UTP4: variants seen among roughly 807,000 people sequenced by gnomAD.
UTP4 encodes the protein UTP4 small subunit processome component.
In UTP4, 45 loss-of-function variants were observed where a neutral mutation model predicts 82.4. That is an observed-to-expected ratio of 0.55 (90% CI 0.43 to 0.70). UTP4 has a LOEUF of 0.70. UTP4 is among the 30% of genes least tolerant of loss of function. The pLI is 0.00. For missense variants in UTP4, 819 were observed against 858.3 expected, an observed-to-expected ratio of 0.95 and a Z score of 0.57; for synonymous variants, 348 against 300.3, an observed-to-expected ratio of 1.16 and a Z score of -1.64.
rs1197264929 is a variant in UTP4, at chr16:69,160,650, G to A, written c.1551+188G>A. Among the ~76,000 whole-genome samples the A allele has an allele frequency of 4.8e-5, 7 of 145,850 alleles. No individual in the cohort carries two copies. The Admixed American group carries it at 4.9e-4, about 10-fold the overall frequency. On this transcript the variant is annotated intron_variant, in intron 13 of 16. Transcript: ENST00000314423. Reference sequence around the variant, plus strand: ...CTTACTCTGTCACCCAGGCTAGAGTGCAGTGGCGCGATCTCGGCTCACTGC... The same window carrying A: ...CTTACTCTGTCACCCAGGCTAGAGTACAGTGGCGCGATCTCGGCTCACTGC...
intron 4 of UTP4, chr16:69,138,982 T>TC (rs1962887107): frequency 6.7e-6 from 1 of 149,244 alleles, no homozygotes; most frequent in African/African-American, 2.5e-5. Context: ...TTTTTTTTTT[T>TC]TCCTGAGATG....
At chr16:69,151,264 C>T (rs1963256540) in intron 8 of UTP4, among the ~76,000 whole-genome samples, 1 of 152,028 alleles carries the variant, frequency 6.6e-6, no homozygotes, top group Non-Finnish European at 1.5e-5. Context: ...GCCTCAGCCT[C>T]CCAAAGTGCT....
chr16:69,150,695 G>A lies in UTP4; in HGVS notation c.897G>A (p.Ala299=), dbSNP rs554532839. The change falls in exon 7 of 17, where the codon GCG becomes GCA. Residue 299 remains alanine, a synonymous_variant. Transcript: ENST00000314423. ...DVRTVAHSPT[A]LISGGTDTHL... ...GCACTGTGGCCCACAGCCCAACAGC[G>A]CTGATATCTGGAGGTGGGTTCCCCC... The A allele has an allele frequency of 3.1e-5, 50 of 1,614,192 alleles. No individual in the cohort carries two copies. The highest frequency in any genetic ancestry group is 1.8e-4 in the Admixed American group (11 of 60,020).
intron 2 of UTP4, among the ~76,000 whole-genome samples, chr16:69,133,919 A>C (rs1482935898): frequency 6.6e-6 from 1 of 152,214 alleles, no homozygotes; most frequent in Non-Finnish European, 1.5e-5. Flanking sequence ...CAGTCTCAAC[A>C]CCATTGCAGC....
intron 4 of UTP4, 107 bp downstream of exon 4, chr16:69,137,992 C>T (rs779142750): frequency 1.7e-5 from 13 of 771,222 alleles, no homozygotes; most frequent in Non-Finnish European, 2.7e-5. Flanking sequence ...TATTTTATCT[C>T]TACTGGGTAC....
chr16:69,132,685 C>A lies in UTP4; in HGVS notation c.-7C>A, dbSNP rs758632816. On this transcript the variant is annotated 5_prime_UTR_variant, in exon 1 of 17. Coordinates refer to ENST00000314423, the MANE Select transcript of UTP4 (RefSeq NM_032830.3). Reference sequence around the variant, plus strand: ...AGCACCGGGAAGGGGAGCGTGGGGCCGCTGGTGAGTTGGGGAAGGGGCGTG... The same window carrying A: ...AGCACCGGGAAGGGGAGCGTGGGGCAGCTGGTGAGTTGGGGAAGGGGCGTG... 1.2e-4 allele frequency: 39 copies of A among 325,300 alleles called. No homozygotes were observed. Among genetic ancestry groups the A allele is most frequent in the African/African-American group, 7.0e-4 (30 of 43,092 alleles). 20.2% of individuals were successfully genotyped at this position (325,300 alleles called of 1,614,324 possible).
At chr16:69,148,568 G>A (rs533549781) in intron 6 of UTP4, among the ~76,000 whole-genome samples, 67 of 150,790 alleles carry the variant, frequency 4.4e-4, no homozygotes, top group South Asian at 1.7e-3. Context: ...TAGTATAGCT[G>A]TTTGAGTTCC....
chr16:69,154,520 C>G, intron 10 of UTP4, 63 bp downstream of exon 10: 4 of 1,227,840 alleles, frequency 3.3e-6, no homozygotes, highest in Non-Finnish European at 4.8e-6. Context: ...AATTCCCATT[C>G]TGAATTTTGA....
At chr16:69,150,930 T>G (rs1215626601) in intron 8 of UTP4, 26 bp downstream of exon 8, 2 of 1,540,206 alleles carry the variant, frequency 1.3e-6, no homozygotes, top group Non-Finnish European at 1.8e-6. Context: ...AAGCCCCTGC[T>G]AACCCCTCAT....
intron 2 of UTP4, among the ~76,000 whole-genome samples, chr16:69,134,745 C>T (rs1227624710): frequency 6.7e-6 from 1 of 148,302 alleles, no homozygotes; most frequent in South Asian, 2.1e-4. Context: ...CTCTGTCACC[C>T]AGGCTGGAGT....
chr16:69,136,430 G>A (rs546142020), intron 2 of UTP4, among the ~76,000 whole-genome samples: 1 of 152,336 alleles, frequency 6.6e-6, no homozygotes, highest in Non-Finnish European at 1.5e-5. Flanking sequence ...GTCTCACTCT[G>A]TCGTCCAGGC....
intron 4 of UTP4, among the ~76,000 whole-genome samples, chr16:69,138,587 G>A (rs1204629580): frequency 1.3e-5 from 2 of 152,184 alleles, no homozygotes; most frequent in Admixed American, 6.5e-5. Flanking sequence ...TTGAATGAGG[G>A]AGTTTATAAA....
At chr16:69,161,592 A>C (rs1963562930) in intron 13 of UTP4, among the ~76,000 whole-genome samples, 1 of 152,228 alleles carries the variant, frequency 6.6e-6, no homozygotes, top group Non-Finnish European at 1.5e-5. Flanking sequence ...CAGTTTGTAC[A>C]GATGGATTTA....
chr16:69,135,086 C>CTATATAAT (rs1411895235), intron 2 of UTP4, among the ~76,000 whole-genome samples: 31 of 150,364 alleles, frequency 2.1e-4, no homozygotes, highest in African/African-American at 6.6e-4. Context: ...ACAGTTATAA[C>CTATATAAT]TATATAATTT....
intron 6 of UTP4, among the ~76,000 whole-genome samples, chr16:69,147,211 TA>T (rs1159404414): frequency 6.9e-6 from 1 of 145,428 alleles, no homozygotes; most frequent in Non-Finnish European, 1.5e-5. Flanking sequence ...ATAATAATAA[TA>T]ATAATAATAA....
chr16:69,145,295 C>G (rs1963078184), intron 6 of UTP4, among the ~76,000 whole-genome samples: 1 of 149,864 alleles, frequency 6.7e-6, no homozygotes, highest in Non-Finnish European at 1.5e-5. Flanking sequence ...GTCTCTCACT[C>G]TGTCTCCCAG....
intron 6 of UTP4, among the ~76,000 whole-genome samples, chr16:69,148,203 T>C (rs535187099): frequency 1.3e-5 from 2 of 152,066 alleles, no homozygotes; most frequent in African/African-American, 2.4e-5. Flanking sequence ...CCTTGTGATC[T>C]GCCCGCCTCG....
chr16:69,150,043 T>A (rs929900173), intron 6 of UTP4, among the ~76,000 whole-genome samples: 19 of 152,172 alleles, frequency 1.2e-4, no homozygotes, highest in Non-Finnish European at 2.5e-4. Flanking sequence ...TTCTTGGATA[T>A]TTTTAATGAA....
At chr16:69,152,876 A>G (rs1963311981) in intron 8 of UTP4, among the ~76,000 whole-genome samples, 1 of 152,014 alleles carries the variant, frequency 6.6e-6, no homozygotes. Context: ...CTCGCACCTC[A>G]GCCTCTCGAT....
Sources: allele counts gnomAD v4.1 joint callset (sites outside exome capture counted in the v4.1 genomes callset), GRCh38; gene constraint gnomAD v4.1.1; transcripts MANE v1.5; gene names NCBI Gene and HGNC (gene_info 2026-07-23, HGNC 2026-07-21).